HPSE2: variants seen among roughly 807,000 people sequenced by gnomAD.
HPSE2 encodes inactive heparanase-2.
Under a neutral mutation model 60.5 loss-of-function variants are expected in HPSE2, and 38 were observed. The observed-to-expected ratio is 0.63, with a 90% CI of 0.48 to 0.82. The LOEUF (loss-of-function observed/expected upper bound fraction) is 0.82, where lower values mean the gene tolerates loss of function less well. Ranked by LOEUF, HPSE2 falls within the 40% of genes least tolerant of loss-of-function variation. The probability of loss-of-function intolerance (pLI) is 0.00; values close to 1 mark genes in which losing one functional copy is unlikely to be tolerated. For synonymous variants in HPSE2, 295 were observed against 293.2 expected (o/e 1.01, Z -0.06); for missense variants, 713 against 740.4 (o/e 0.96, Z 0.43).
chr10:99,228,331 C>A (rs888486218), intron 2 of HPSE2, among the ~76,000 whole-genome samples: 1 of 151,942 alleles, frequency 6.6e-6, no homozygotes, highest in Non-Finnish European at 1.5e-5. Context: ...CAAAAATAAC[C>A]ATAGTTTTTT....
intron 9 of HPSE2, among the ~76,000 whole-genome samples, chr10:98,580,836 A>ATGTGTG (rs1244040035): frequency 5.1e-4 from 61 of 119,556 alleles, no homozygotes; most frequent in African/African-American, 1.8e-3. Flanking sequence ...ATATATATAT[A>ATGTGTG]TGTGTGTGTG....
chr10:98,478,930 C>G (rs903567799), intron 11 of HPSE2, among the ~76,000 whole-genome samples: 1 of 152,064 alleles, frequency 6.6e-6, no homozygotes, highest in Non-Finnish European at 1.5e-5. Flanking sequence ...GGGGGTCTTA[C>G]GATTGGTTCA....
intron 3 of HPSE2, among the ~76,000 whole-genome samples, chr10:98,936,171 C>G (rs11189885): frequency 1.4e-5 from 2 of 143,162 alleles, no homozygotes; most frequent in African/African-American, 5.7e-5. Context: ...TTCGATCCCC[C>G]CAGGCAGACT....
intron 9 of HPSE2, among the ~76,000 whole-genome samples, chr10:98,609,500 T>C (rs979349773): frequency 5.9e-5 from 9 of 152,204 alleles, no homozygotes; most frequent in African/African-American, 1.7e-4. Flanking sequence ...ATACAAAAAA[T>C]TCACGTAAGA....
In HPSE2 at chr10:99,144,369, T is replaced by A. The variant is rs763664579; in HGVS notation, c.479A>T (p.Lys160Ile). The change falls in exon 3 of 12, where the codon AAA becomes ATA. Residue 160 changes from lysine (K) to isoleucine (I), a missense_variant. Coordinates refer to ENST00000370552, the MANE Select transcript of HPSE2 (RefSeq NM_021828.5). ...CTGGGCAATCTTGCAGCCTTTCTGT[T>A]TATCTAAGGCAACATCACTTCGAAC... The part of the protein sequence containing the change: ...DIVRSDVALD[K>I]QKGCKIAQHP... 3 of 1,613,828 alleles carry A rather than the reference T, an allele frequency of 1.9e-6. No individual in the cohort carries two copies. The African/African-American group carries it at 4.0e-5, about 22-fold the overall frequency.
At chr10:98,745,338 A>G (rs1022580767) in intron 3 of HPSE2, among the ~76,000 whole-genome samples, 5 of 152,096 alleles carry the variant, frequency 3.3e-5, no homozygotes, top group Non-Finnish European at 5.9e-5. Context: ...TCTGGCTGTC[A>G]TTTACACTTG....
chr10:98,732,225 T>G (rs182334741), intron 4 of HPSE2, among the ~76,000 whole-genome samples: 6 of 152,268 alleles, frequency 3.9e-5, no homozygotes, highest in Admixed American at 3.9e-4. Context: ...GATTTATAGA[T>G]TCAATGCTAT....
chr10:98,801,550 C>T (rs893657716), intron 3 of HPSE2, among the ~76,000 whole-genome samples: 1 of 151,936 alleles, frequency 6.6e-6, no homozygotes, highest in African/African-American at 2.4e-5. Context: ...TTCTATATGT[C>T]AACAGTGAAC....
chr10:98,502,977 C>T (rs1490194265), intron 9 of HPSE2, among the ~76,000 whole-genome samples: 2 of 152,024 alleles, frequency 1.3e-5, no homozygotes, highest in East Asian at 1.9e-4. Context: ...TTTGGGAGGC[C>T]GAGGCGGGTG....
At chr10:98,938,629 G>A (rs1052925520) in intron 3 of HPSE2, among the ~76,000 whole-genome samples, 6 of 143,956 alleles carry the variant, frequency 4.2e-5, no homozygotes, top group Admixed American at 3.5e-4. Context: ...TGAAAGTGAG[G>A]GGGAGAATGC....
At chr10:99,231,673 G>T (rs1849649603) in intron 2 of HPSE2, among the ~76,000 whole-genome samples, 1 of 151,636 alleles carries the variant, frequency 6.6e-6, no homozygotes, top group African/African-American at 2.4e-5. Context: ...AAGAAAGCTG[G>T]CATTTGTAAT....
chr10:99,289,967 A>G, the HPSE2 span, among the ~76,000 whole-genome samples: 4 of 152,176 alleles, frequency 2.6e-5, no homozygotes, highest in Admixed American at 1.3e-4. Flanking sequence ...GGCACCCAAT[A>G]TCTAATATGC....
At chr10:98,766,865 C>G (rs1950130687) in intron 3 of HPSE2, among the ~76,000 whole-genome samples, 1 of 152,026 alleles carries the variant, frequency 6.6e-6, no homozygotes, top group Admixed American at 6.6e-5. Flanking sequence ...GTCGAGGCTG[C>G]AGTGAGCCAT....
intron 3 of HPSE2, among the ~76,000 whole-genome samples, chr10:99,099,407 T>C (rs1843854338): frequency 6.6e-6 from 1 of 152,114 alleles, no homozygotes; most frequent in South Asian, 2.1e-4. Context: ...AGCACAGTAG[T>C]CTGAGATCAA....
At chr10:98,550,190 C>T (rs1388340005) in intron 9 of HPSE2, among the ~76,000 whole-genome samples, 10 of 152,168 alleles carry the variant, frequency 6.6e-5, no homozygotes, top group Admixed American at 6.5e-4. Flanking sequence ...CCTGTGTTAC[C>T]TCTATTAGAA....
intron 6 of HPSE2, among the ~76,000 whole-genome samples, chr10:98,648,247 C>T (rs1462861476): frequency 6.6e-6 from 1 of 152,034 alleles, no homozygotes; most frequent in East Asian, 1.9e-4. Flanking sequence ...GGCAGAGGCT[C>T]AAATCATCTT....
At chr10:98,812,016 C>T (rs565897541) in intron 3 of HPSE2, among the ~76,000 whole-genome samples, 3 of 152,050 alleles carry the variant, frequency 2.0e-5, no homozygotes, top group African/African-American at 7.2e-5. Flanking sequence ...ATCTTGTATC[C>T]TTCACCTTAT....
intron 9 of HPSE2, among the ~76,000 whole-genome samples, chr10:98,505,438 T>G (rs1263455508): frequency 6.6e-6 from 1 of 152,186 alleles, no homozygotes; most frequent in Non-Finnish European, 1.5e-5. Context: ...GTATGACACT[T>G]TACAGGATAA....
intron 3 of HPSE2, among the ~76,000 whole-genome samples, chr10:99,122,392 G>T (rs1844989547): frequency 6.6e-6 from 1 of 151,772 alleles, no homozygotes; most frequent in African/African-American, 2.4e-5. Context: ...TTAGAAAAAA[G>T]ACAAATATAC....
Sources: allele counts gnomAD v4.1 joint callset (sites outside exome capture counted in the v4.1 genomes callset), GRCh38; gene constraint gnomAD v4.1.1; transcripts MANE v1.5; gene names NCBI Gene and HGNC (gene_info 2026-07-23, HGNC 2026-07-21).